The following CPNE4 variants were observed in gnomAD, a reference collection of about 807,000 sequenced individuals.
CPNE4 encodes copine-4.
Under a neutral mutation model 67.9 loss-of-function variants are expected in CPNE4, and 25 were observed. That is an observed-to-expected ratio of 0.37 (90% CI 0.27 to 0.51). The LOEUF (loss-of-function observed/expected upper bound fraction) is 0.51, where lower values mean the gene tolerates loss of function less well. Ranked by LOEUF, CPNE4 falls within the 20% of genes least tolerant of loss-of-function variation. The pLI, the probability that CPNE4 is intolerant of heterozygous loss-of-function variation, is 0.93. For missense variants in CPNE4, 464 were observed against 690.8 expected, an observed-to-expected ratio of 0.67 and a Z score of 3.68; for synonymous variants, 242 against 244.9, an observed-to-expected ratio of 0.99 and a Z score of 0.11.
intron 9 of CPNE4, among the ~76,000 whole-genome samples, 186 bp from the exon 10 acceptor site, chr3:131,575,316 C>T (rs1204559700): frequency 6.6e-6 from 1 of 152,152 alleles, no homozygotes; most frequent in East Asian, 1.9e-4. Context: ...AATATTAATA[C>T]AGATGGGCCT....
intron 2 of CPNE4, among the ~76,000 whole-genome samples, chr3:131,901,671 T>A (rs1359668800): frequency 1.3e-5 from 2 of 152,022 alleles, no homozygotes; most frequent in Non-Finnish European, 2.9e-5. Context: ...CAGGCAGGGC[T>A]GGAAATGTTG....
In CPNE4 at chr3:132,034,606, C is replaced by A. The variant is rs1028952023; in HGVS notation, c.-41G>T. The A allele has an allele frequency of 2.4e-5, 24 of 985,438 alleles. No individual in the cohort carries two copies. Among genetic ancestry groups the A allele is most frequent in the Admixed American group, 6.1e-5 (1 of 16,280 alleles). The allele number at this position is 985,438 out of a possible 1,614,324, so 61.0% of individuals were successfully genotyped here. A position where few individuals can be genotyped will look rare whatever the true frequency, so the allele number is the denominator to read the frequency against. On this transcript the variant is annotated 5_prime_UTR_variant, in exon 1 of 16. Coordinates refer to ENST00000429747, the MANE Select transcript of CPNE4 (RefSeq NM_130808.3). ...CTCGAAGAGTGGAGAGAGAATTCAG[C>A]CCGGGACGAGGTCTGTCCCGCCCCC...
chr3:132,023,165 C>T (rs1441995584), intron 1 of CPNE4, among the ~76,000 whole-genome samples: 1 of 152,174 alleles, frequency 6.6e-6, no homozygotes, highest in African/African-American at 2.4e-5. Context: ...AATTCAGCTG[C>T]CAACATTATA....
At chr3:132,020,277 C>A (rs2073966695) in intron 1 of CPNE4, among the ~76,000 whole-genome samples, 1 of 152,202 alleles carries the variant, frequency 6.6e-6, no homozygotes, top group African/African-American at 2.4e-5. Context: ...CGTCTGAATC[C>A]CAGCACTCTG....
At chr3:131,950,215 A>G (rs1242230755) in intron 1 of CPNE4, among the ~76,000 whole-genome samples, 3 of 152,194 alleles carry the variant, frequency 2.0e-5, no homozygotes, top group African/African-American at 7.2e-5. Context: ...TTAAAAGTCA[A>G]CTAATTTCAT....
At chr3:131,699,859 G>A (rs1211288753) in intron 4 of CPNE4, 50 bp downstream of exon 4, 8 of 1,536,574 alleles carry the variant, frequency 5.2e-6, no homozygotes, top group Middle Eastern at 3.4e-4. Flanking sequence ...TGGCCAGTCC[G>A]CCCAGGCTCT....
At chr3:131,683,386 C>G (rs1366863643) in intron 6 of CPNE4, among the ~76,000 whole-genome samples, 1 of 152,156 alleles carries the variant, frequency 6.6e-6, no homozygotes, top group Non-Finnish European at 1.5e-5. Context: ...CAGTAGGCTT[C>G]CTTTTGGCCC....
intron 2 of CPNE4, among the ~76,000 whole-genome samples, chr3:131,801,949 T>G: frequency 7.0e-6 from 1 of 142,840 alleles, no homozygotes; most frequent in African/African-American, 2.6e-5. Flanking sequence ...AATAAAATGG[T>G]TTTAATCAGA....
At chr3:131,848,468 G>C (rs777869782) in intron 2 of CPNE4, among the ~76,000 whole-genome samples, 2 of 151,918 alleles carry the variant, frequency 1.3e-5, no homozygotes, top group African/African-American at 2.4e-5. Context: ...TGCAACATGT[G>C]AGCAAAAATG....
chr3:131,675,720 T>A (rs1212483620), intron 6 of CPNE4, among the ~76,000 whole-genome samples: 1 of 151,522 alleles, frequency 6.6e-6, no homozygotes, highest in Non-Finnish European at 1.5e-5. Context: ...TTTTTTGTAG[T>A]CTAAATATCA....
chr3:131,767,701 G>A (rs2107826810), intron 2 of CPNE4, among the ~76,000 whole-genome samples: 1 of 152,140 alleles, frequency 6.6e-6, no homozygotes, highest in East Asian at 1.9e-4. Flanking sequence ...TTACCATAAG[G>A]ATAACTTTGA....
At chr3:131,537,223 A>G (rs1256384424) in intron 15 of CPNE4, among the ~76,000 whole-genome samples, 1 of 151,964 alleles carries the variant, frequency 6.6e-6, no homozygotes, top group Non-Finnish European at 1.5e-5. Flanking sequence ...GGAACTCTGT[A>G]AAAGTGTGTG....
At chr3:131,951,471 T>C (rs1174663009) in intron 1 of CPNE4, among the ~76,000 whole-genome samples, 1 of 152,278 alleles carries the variant, frequency 6.6e-6, no homozygotes, top group South Asian at 2.1e-4. Context: ...CATTTTTCTT[T>C]TGCCTAGAGA....
intron 1 of CPNE4, among the ~76,000 whole-genome samples, chr3:131,970,454 A>AT (rs2072471926): frequency 6.6e-6 from 1 of 152,076 alleles, no homozygotes; most frequent in Non-Finnish European, 1.5e-5. Context: ...TCCCTCTTGC[A>AT]TTTTTTTCTT....
chr3:131,827,681 G>C (rs747025022), intron 2 of CPNE4, among the ~76,000 whole-genome samples: 4 of 151,950 alleles, frequency 2.6e-5, no homozygotes, highest in Non-Finnish European at 5.9e-5. Flanking sequence ...CATAAGAAAA[G>C]GTCAACACCT....
At chr3:131,918,977 C>T (rs1361645419) in intron 1 of CPNE4, among the ~76,000 whole-genome samples, 1 of 151,942 alleles carries the variant, frequency 6.6e-6, no homozygotes, top group Non-Finnish European at 1.5e-5. Flanking sequence ...TTGTAGGGAG[C>T]CGAAGTGAGA....
chr3:131,757,805 A>G (rs2082787854), intron 2 of CPNE4, among the ~76,000 whole-genome samples: 1 of 152,128 alleles, frequency 6.6e-6, no homozygotes, highest in Non-Finnish European at 1.5e-5. Context: ...AGCCTAGGGA[A>G]TTGGTGCCCT....
At chr3:131,539,869 A>G (rs1220107610) in intron 15 of CPNE4, among the ~76,000 whole-genome samples, 2 of 152,210 alleles carry the variant, frequency 1.3e-5, no homozygotes, top group Non-Finnish European at 2.9e-5. Context: ...AAAATCAGGA[A>G]GAACACCCTT....
upstream of CPNE4, among the ~76,000 whole-genome samples, chr3:132,038,350 A>G (rs2074369223): frequency 6.6e-6 from 1 of 152,108 alleles, no homozygotes. Context: ...CCTTTTTATG[A>G]GAACCCTATA....
Sources: gnomAD v4.1 joint callset for allele counts (sites outside exome capture counted in the v4.1 genomes callset) on GRCh38, gnomAD v4.1.1 for gene constraint, MANE v1.5 for transcripts, NCBI Gene and HGNC (gene_info 2026-07-23, HGNC 2026-07-21) for gene names.